ASH1L: variants seen among roughly 807,000 people sequenced by gnomAD.
ASH1L encodes the protein histone-lysine N-methyltransferase ASH1L.
In ASH1L, 23 loss-of-function variants were observed where a neutral mutation model predicts 269.0. That is an observed-to-expected ratio of 0.09 (90% confidence interval 0.06 to 0.12). ASH1L has a LOEUF of 0.12. Among genes scored for constraint, ASH1L ranks in the 10% least tolerant of loss-of-function variants. The pLI is 1.00. For synonymous variants in ASH1L, 1,187 were observed against 1,253.5 expected (o/e 0.95, Z 1.12); for missense variants, 2,912 against 3,567.8 (o/e 0.82, Z 4.68).
At chr1:155,376,614 G>T (rs1240978938) in intron 10 of ASH1L, among the ~76,000 whole-genome samples, 1 of 151,938 alleles carries the variant, frequency 6.6e-6, no homozygotes. Context: ...GGGAAGTGGA[G>T]GTTGCAGTGA....
chr1:155,438,427 G>A lies in ASH1L; in HGVS notation c.5728C>T (p.His1910Tyr), dbSNP rs769686011. 6.2e-7 allele frequency: 1 copy of A among 1,613,238 alleles called. No individual in the cohort carries two copies. The highest frequency in any genetic ancestry group is 8.5e-7 in the Non-Finnish European group (1 of 1,179,800). Residue 1910 changes from histidine to tyrosine, a missense_variant, in exon 5 of 28, where the codon CAT becomes TAT. By Grantham distance (83) the His-to-Tyr change is moderately conservative. Coordinates refer to ENST00000392403, the MANE Select transcript of ASH1L (RefSeq NM_018489.3). ...VVQSVNLNPE[H>Y]KKGLKRKGWL... is the part of the protein sequence containing the mutation. ...CCTTTTCTCTTCAACCCCTTTTTAT[G>A]TTCTGGGTTCAGATTTACACTCTGA...
intron 1 of ASH1L, among the ~76,000 whole-genome samples, chr1:155,535,130 G>T (rs2148876592): frequency 6.6e-6 from 1 of 151,530 alleles, no homozygotes; most frequent in African/African-American, 2.4e-5. Flanking sequence ...CAGAGGTTGT[G>T]GTGAGCCAAG....
intron 5 of ASH1L, 106 bp downstream of exon 5, chr1:155,438,221 T>C: frequency 8.2e-7 from 1 of 1,225,906 alleles, no homozygotes; most frequent in South Asian, 1.6e-5. Context: ...TCTCATATAG[T>C]AAAAAATGAA....
intron 3 of ASH1L, among the ~76,000 whole-genome samples, chr1:155,477,277 CTTT>C (rs888608238): frequency 6.6e-6 from 1 of 151,890 alleles, no homozygotes; most frequent in African/African-American, 2.4e-5. Context: ...TTCCAGATTT[CTTT>C]TTTTTCTATC....
chr1:155,411,999 T>A (rs1659850533), intron 6 of ASH1L, among the ~76,000 whole-genome samples: 1 of 151,930 alleles, frequency 6.6e-6, no homozygotes, highest in Non-Finnish European at 1.5e-5. Flanking sequence ...CCCAGCACTT[T>A]GGGAGGCTGA....
At chr1:155,348,154 T>C (rs566380760) in intron 19 of ASH1L, among the ~76,000 whole-genome samples, 7 of 152,190 alleles carry the variant, frequency 4.6e-5, no homozygotes, top group Non-Finnish European at 1.0e-4. Flanking sequence ...GTCACGGGCC[T>C]TCTTGTCCCC....
chr1:155,484,632 ACAAACAAG>A (rs893402742), intron 2 of ASH1L, among the ~76,000 whole-genome samples: 4 of 151,896 alleles, frequency 2.6e-5, no homozygotes, highest in Non-Finnish European at 5.9e-5. Context: ...CAAAAAACAA[ACAAACAAG>A]CAAGCCAGCC....
Position 155,562,429 on chromosome 1 carries a change from G to A in ASH1L, c.-376C>T. On this transcript the variant is annotated 5_prime_UTR_variant, in exon 1 of 28. Coordinates refer to ENST00000392403, the MANE Select transcript of ASH1L (RefSeq NM_018489.3). ...CGAACCCAAAATGGCGGCGGGAGCG[G>A]CGGCGGCGGCGGCGGCAGCAGCAGA... The A allele has an allele frequency of 6.8e-7, 1 of 1,462,970 alleles. No homozygotes were observed. The highest frequency in any genetic ancestry group is 9.3e-7 in the Non-Finnish European group (1 of 1,078,454). 90.6% of individuals were successfully genotyped at this position (1,462,970 alleles called of 1,614,324 possible).
At chr1:155,492,222 A>G (rs1233860186) in intron 2 of ASH1L, among the ~76,000 whole-genome samples, 1 of 151,122 alleles carries the variant, frequency 6.6e-6, no homozygotes, top group African/African-American at 2.4e-5. Flanking sequence ...CTAATTCTGT[A>G]TTTTTGGTAG....
chr1:155,433,541 G>A (rs1487983757), intron 5 of ASH1L: 2 of 1,610,600 alleles, frequency 1.2e-6, no homozygotes, highest in Non-Finnish European at 8.5e-7. Context: ...CCCCCCTGGT[G>A]CCGTGAAACT....
chr1:155,546,585 C>G (rs557235989), intron 1 of ASH1L, among the ~76,000 whole-genome samples: 2 of 152,072 alleles, frequency 1.3e-5, no homozygotes, highest in South Asian at 4.2e-4. Flanking sequence ...ACGGTGAAAC[C>G]AGTCTCTACT....
intron 6 of ASH1L, among the ~76,000 whole-genome samples, chr1:155,408,455 C>T (rs573136135): frequency 2.0e-5 from 3 of 151,974 alleles, no homozygotes; most frequent in Non-Finnish European, 4.4e-5. Context: ...AATAATAATC[C>T]TCACTAAAAG....
At chr1:155,423,967 C>T (rs1292745227) in intron 5 of ASH1L, among the ~76,000 whole-genome samples, 3 of 152,108 alleles carry the variant, frequency 2.0e-5, no homozygotes, top group South Asian at 2.1e-4. Context: ...CCCCATGATC[C>T]GCCTGCCTCG....
At chr1:155,339,006 T>C (rs1046435743) in intron 26 of ASH1L, among the ~76,000 whole-genome samples, 2 of 152,220 alleles carry the variant, frequency 1.3e-5, no homozygotes, top group Non-Finnish European at 2.9e-5. Context: ...TGTTCCTTGA[T>C]AGAGGTACCA....
At chr1:155,489,862 T>A (rs931709467) in intron 2 of ASH1L, among the ~76,000 whole-genome samples, 2 of 151,748 alleles carry the variant, frequency 1.3e-5, no homozygotes, top group African/African-American at 4.8e-5. Context: ...TCCAATTGCA[T>A]TTTTCTTTCC....
intron 7 of ASH1L, among the ~76,000 whole-genome samples, chr1:155,387,292 C>A (rs570312519): frequency 6.6e-6 from 1 of 152,078 alleles, no homozygotes; most frequent in African/African-American, 2.4e-5. Flanking sequence ...AGTTTTTAAT[C>A]CATATTTTGT....
rs762665819 is a variant in ASH1L at position 155,535,188 on chromosome 1, TA to T, written c.-99-13571del. On this transcript the variant is annotated intron_variant, in intron 1 of 27. Coordinates refer to ENST00000392403, the MANE Select transcript of ASH1L (RefSeq NM_018489.3). ...TGGGCAACAATAGTAAAACTCCATT[TA>T]AAAAAAAAAAAAAAAAGTAAAATCT... is the stretch of plus-strand genomic sequence containing the variant. Among the ~76,000 whole-genome samples the T allele has an allele frequency of 5.7e-3, 781 of 137,494 alleles. 2 individuals are homozygous for T. Among genetic ancestry groups the T allele is most frequent in the African/African-American group, 9.2e-3 (349 of 37,798 alleles). The allele number at this position is 137,494 out of a possible 152,430, so 90.2% of individuals were successfully genotyped here. A position where few individuals can be genotyped will look rare whatever the true frequency, so the allele number is the denominator to read the frequency against.
intron 4 of ASH1L, 118 bp downstream of exon 4, chr1:155,459,679 A>ATTT: frequency 1.3e-6 from 1 of 786,578 alleles, no homozygotes; most frequent in Non-Finnish European, 2.0e-6. Flanking sequence ...TGAATGGAAA[A>ATTT]ATAAAATACC....
At chr1:155,428,706 T>C (rs980085457) in intron 5 of ASH1L, among the ~76,000 whole-genome samples, 1 of 152,230 alleles carries the variant, frequency 6.6e-6, no homozygotes, top group Non-Finnish European at 1.5e-5. Context: ...ATGCTCCTGC[T>C]GCAGGTAACT....
Sources: gnomAD v4.1 joint callset for allele counts (sites outside exome capture counted in the v4.1 genomes callset) on GRCh38, gnomAD v4.1.1 for gene constraint, MANE v1.5 for transcripts, NCBI Gene and HGNC (gene_info 2026-07-23, HGNC 2026-07-21) for gene names.